RERG: variants seen among roughly 807,000 people sequenced by gnomAD.
RERG encodes the protein RAS like estrogen regulated growth inhibitor.
In RERG, 25 loss-of-function variants were observed where a neutral mutation model predicts 23.2. That is an observed-to-expected ratio of 1.08 (90% confidence interval 0.79 to 1.50). The LOEUF (loss-of-function observed/expected upper bound fraction) is 1.50, where lower values mean the gene tolerates loss of function less well. RERG is among the 40% of genes most tolerant of loss of function. The pLI, the probability that RERG is intolerant of heterozygous loss-of-function variation, is 0.00. For missense variants in RERG, 253 were observed against 250.1 expected, an observed-to-expected ratio of 1.01 and a Z score of -0.08; for synonymous variants, 81 against 89.1, an observed-to-expected ratio of 0.91 and a Z score of 0.51.
chr12:15,164,536 A>T (rs1249750396), intron 2 of RERG, among the ~76,000 whole-genome samples: 1 of 152,206 alleles, frequency 6.6e-6, no homozygotes, highest in African/African-American at 2.4e-5. Context: ...GACGTCCTGT[A>T]TCACCACTAG....
At chr12:15,126,032 G>A (rs569098749) in intron 2 of RERG, among the ~76,000 whole-genome samples, 17 of 149,742 alleles carry the variant, frequency 1.1e-4, no homozygotes, top group Middle Eastern at 3.5e-3. Flanking sequence ...TACAGATGAG[G>A]GCTTTGCTAC....
intron 3 of RERG, among the ~76,000 whole-genome samples, chr12:15,116,156 A>G (rs1863717402): frequency 1.3e-5 from 2 of 152,168 alleles, no homozygotes; most frequent in Non-Finnish European, 2.9e-5. Context: ...TGTTCTCCCA[A>G]CGATTTTCTT....
At chr12:15,196,443 G>A (rs1043629751) in intron 2 of RERG, among the ~76,000 whole-genome samples, 1 of 152,086 alleles carries the variant, frequency 6.6e-6, no homozygotes, top group African/African-American at 2.4e-5. Flanking sequence ...CTTTTCCCCT[G>A]AGGAAGTATT....
At chr12:15,169,372 T>C (rs1864741634) in intron 2 of RERG, among the ~76,000 whole-genome samples, 1 of 152,188 alleles carries the variant, frequency 6.6e-6, no homozygotes, top group South Asian at 2.1e-4. Context: ...CCCTGACCAA[T>C]GCAGTTGGGT....
intron 2 of RERG, among the ~76,000 whole-genome samples, chr12:15,140,577 C>A (rs1370387482): frequency 6.6e-6 from 1 of 150,874 alleles, no homozygotes; most frequent in African/African-American, 2.4e-5. Flanking sequence ...TTTAACATTT[C>A]TTGTAGGGCA....
intron 2 of RERG, among the ~76,000 whole-genome samples, chr12:15,141,759 T>C (rs565119468): frequency 6.6e-6 from 1 of 152,356 alleles, no homozygotes; most frequent in East Asian, 1.9e-4. Context: ...AAGTGATGAC[T>C]TACAAGCTCG....
At chr12:15,196,375 C>T (rs189664888) in intron 2 of RERG, among the ~76,000 whole-genome samples, 84 of 152,280 alleles carry the variant, frequency 5.5e-4, no homozygotes, top group Non-Finnish European at 9.9e-4. Context: ...TTAACACTGT[C>T]AGCTTATTAC....
At chr12:15,211,744 T>A (rs913742966) in intron 2 of RERG, among the ~76,000 whole-genome samples, 1 of 152,224 alleles carries the variant, frequency 6.6e-6, no homozygotes, top group African/African-American at 2.4e-5. Flanking sequence ...CCTGGTTTGA[T>A]CATTCCGTAA....
At chr12:15,128,511 A>G (rs1023945408) in intron 2 of RERG, among the ~76,000 whole-genome samples, 12 of 152,220 alleles carry the variant, frequency 7.9e-5, no homozygotes, top group African/African-American at 2.9e-4. Context: ...GTAAGTTTGC[A>G]CCTTTGCATG....
chr12:15,124,625 G>A (rs1425250674), intron 2 of RERG, among the ~76,000 whole-genome samples: 1 of 151,888 alleles, frequency 6.6e-6, no homozygotes, highest in African/African-American at 2.4e-5. Context: ...AGTTGTGATT[G>A]TTCTTTTCTA....
intron 2 of RERG, among the ~76,000 whole-genome samples, chr12:15,164,644 T>C (rs1277628921): frequency 2.0e-5 from 3 of 152,334 alleles, no homozygotes; most frequent in African/African-American, 2.4e-5. Context: ...CTGAGCTGTA[T>C]AGACTTTGTC....
intron 1 of RERG, among the ~76,000 whole-genome samples, chr12:15,219,547 G>T (rs1865487215): frequency 6.6e-6 from 1 of 152,164 alleles, no homozygotes; most frequent in Non-Finnish European, 1.5e-5. Flanking sequence ...AAGATAAAAA[G>T]ATTTCCTTAT....
intron 2 of RERG, among the ~76,000 whole-genome samples, chr12:15,195,412 A>G (rs914628483): frequency 1.3e-5 from 2 of 152,124 alleles, no homozygotes; most frequent in African/African-American, 2.4e-5. Context: ...GCCATTGTTA[A>G]TCTTTGCTTT....
At chr12:15,136,571 T>C (rs76631195) in intron 2 of RERG, among the ~76,000 whole-genome samples, 1,923 of 152,170 alleles carry the variant, frequency 0.013, 18 homozygotes, top group South Asian at 0.022. Flanking sequence ...GCTTTTGCTG[T>C]ATGACACAAA....
intron 2 of RERG, among the ~76,000 whole-genome samples, chr12:15,139,707 T>G (rs1864203361): frequency 6.6e-6 from 1 of 152,128 alleles, no homozygotes. Context: ...ATTCCAGGGG[T>G]TTTGTGCAAA....
chr12:15,216,068 A>G (rs77393601), intron 2 of RERG, among the ~76,000 whole-genome samples: 1 of 152,204 alleles, frequency 6.6e-6, no homozygotes, highest in Non-Finnish European at 1.5e-5. Context: ...AAGGAGTTAG[A>G]CAAGCTCTTG....
chr12:15,150,935 C>T lies in RERG; in HGVS notation c.62-29816G>A, dbSNP rs1864430641. 4.6e-5 allele frequency among the ~76,000 whole-genome samples: 7 copies of T among 152,194 alleles called. No homozygotes were observed. The South Asian group carries it at 1.4e-3, about 31-fold the overall frequency. On this transcript the variant is annotated intron_variant, in intron 2 of 4. Transcript: ENST00000256953. ...ATAAATGGCTGCTATTATTATTATG[C>T]AATCTCCATACCTAATTTGAGACAG...
At chr12:15,205,717 C>A (rs1313021766) in intron 2 of RERG, among the ~76,000 whole-genome samples, 1 of 151,846 alleles carries the variant, frequency 6.6e-6, no homozygotes, top group East Asian at 1.9e-4. Context: ...AATTACTGTC[C>A]AATGGCACAA....
At chr12:15,127,744 A>G in intron 2 of RERG, among the ~76,000 whole-genome samples, 1 of 152,258 alleles carries the variant, frequency 6.6e-6, no homozygotes, top group East Asian at 1.9e-4. Flanking sequence ...TTGTTGGATT[A>G]AAGTGTATAT....
Sources: allele counts gnomAD v4.1 joint callset (sites outside exome capture counted in the v4.1 genomes callset), GRCh38; gene constraint gnomAD v4.1.1; transcripts MANE v1.5; gene names NCBI Gene and HGNC (gene_info 2026-07-23, HGNC 2026-07-21).